Variants in MAGI2 observed in about 807,000 individuals in gnomAD.
The protein encoded by MAGI2 is membrane associated guanylate kinase, WW and PDZ domain containing 2.
A neutral mutation model predicts 133.3 loss-of-function variants in MAGI2; 35 were observed. The ratio of observed to expected loss-of-function variants is 0.26; its 90% CI spans 0.20 to 0.35. The LOEUF is 0.35. MAGI2 is among the 10% of genes least tolerant of loss of function. The pLI is 1.00. For missense variants in MAGI2, 1,636 were observed against 1,863.4 expected (o/e 0.88, Z 2.25); for synonymous variants, 729 against 710.6 (o/e 1.03, Z -0.41).
chr7:79,312,324 G>C (rs1042380582), intron 1 of MAGI2, among the ~76,000 whole-genome samples: 1 of 151,960 alleles, frequency 6.6e-6, no homozygotes, highest in Non-Finnish European at 1.5e-5. Context: ...CCAATTCTTC[G>C]TCTCAGTAGG....
intron 2 of MAGI2, among the ~76,000 whole-genome samples, chr7:78,987,936 C>T (rs1805419613): frequency 6.6e-6 from 1 of 151,978 alleles, no homozygotes; most frequent in Non-Finnish European, 1.5e-5. Context: ...CACATTTTGT[C>T]TCAGGATTTG....
intron 1 of MAGI2, among the ~76,000 whole-genome samples, chr7:79,111,624 C>T (rs144829437): frequency 1.5e-3 from 232 of 152,194 alleles, no homozygotes; most frequent in African/African-American, 5.3e-3. Context: ...GAGATAGTAA[C>T]TTTCCCAAGG....
intron 1 of MAGI2, among the ~76,000 whole-genome samples, chr7:79,312,658 A>G (rs1323234937): frequency 6.6e-6 from 1 of 152,100 alleles, no homozygotes; most frequent in Non-Finnish European, 1.5e-5. Context: ...AAGTACCTAA[A>G]TTTTTGTCTC....
At chr7:78,866,430 G>A (rs978767767) in intron 2 of MAGI2, among the ~76,000 whole-genome samples, 2 of 152,034 alleles carry the variant, frequency 1.3e-5, no homozygotes, top group Non-Finnish European at 2.9e-5. Flanking sequence ...ATTTATGGGT[G>A]GGGGAGGGAA....
intron 15 of MAGI2, among the ~76,000 whole-genome samples, chr7:78,167,045 T>C (rs757947864): frequency 2.6e-5 from 4 of 151,944 alleles, no homozygotes; most frequent in Non-Finnish European, 5.9e-5. Context: ...ATGAGGGCTA[T>C]CAAGGGGTCA....
In MAGI2 at chr7:79,310,293, T is replaced by A. The variant is rs905317301; in HGVS notation, c.301+142727A>T. Among the ~76,000 whole-genome samples the A allele has an allele frequency of 2.1e-5, 3 of 146,072 alleles. No homozygotes were observed. In the Admixed American group the frequency reaches 2.1e-4, roughly 10 times the overall value. On this transcript the variant is annotated intron_variant, in intron 1 of 21. Transcript: ENST00000354212. ...TGTACAGATGAAAGTATTCTAAAGA[T>A]ACAGCAATCCATGGAGGGATGAAAG...
At chr7:79,205,349 T>C (rs1828953016) in intron 1 of MAGI2, among the ~76,000 whole-genome samples, 1 of 151,886 alleles carries the variant, frequency 6.6e-6, no homozygotes, top group South Asian at 2.1e-4. Context: ...GAACATCAAA[T>C]TGCTGAAAAA....
chr7:78,493,608 T>C (rs1453220346), intron 5 of MAGI2, among the ~76,000 whole-genome samples: 1 of 148,780 alleles, frequency 6.7e-6, no homozygotes, highest in Non-Finnish European at 1.5e-5. Flanking sequence ...AACCCAGATA[T>C]ATCTGGTTTC....
At chr7:78,630,769 T>C (rs980615490) in intron 2 of MAGI2, among the ~76,000 whole-genome samples, 1 of 152,194 alleles carries the variant, frequency 6.6e-6, no homozygotes, top group Non-Finnish European at 1.5e-5. Flanking sequence ...CCATTTTCCA[T>C]TCATTAATCA....
chr7:79,234,977 G>A (rs1182005060), intron 1 of MAGI2, among the ~76,000 whole-genome samples: 149 of 151,940 alleles, frequency 9.8e-4, no homozygotes, highest in African/African-American at 2.9e-4. Flanking sequence ...TTTTTGGTGT[G>A]GATGTCCTTT....
At chr7:78,414,813 CTTG>C (rs1325845580) in intron 6 of MAGI2, among the ~76,000 whole-genome samples, 1 of 152,028 alleles carries the variant, frequency 6.6e-6, no homozygotes. Flanking sequence ...TAAAACTAAC[CTTG>C]TTTAAATATG....
intron 1 of MAGI2, among the ~76,000 whole-genome samples, chr7:79,175,056 A>T (rs967453047): frequency 1.3e-5 from 2 of 151,868 alleles, no homozygotes; most frequent in Admixed American, 1.3e-4. Flanking sequence ...TATTGATACC[A>T]TTACTTGTAA....
intron 2 of MAGI2, among the ~76,000 whole-genome samples, chr7:78,892,037 G>T (rs967664436): frequency 6.6e-6 from 1 of 152,094 alleles, no homozygotes; most frequent in Non-Finnish European, 1.5e-5. Context: ...AAATTCTCAG[G>T]ATACAAAATC....
intron 2 of MAGI2, among the ~76,000 whole-genome samples, chr7:78,672,087 T>C (rs539149741): frequency 3.5e-4 from 54 of 152,320 alleles, no homozygotes; most frequent in African/African-American, 1.2e-3. Context: ...GATCCTTAAA[T>C]GTTTGAAGGA....
chr7:78,146,001 AATATC>A (rs751515033), intron 16 of MAGI2, among the ~76,000 whole-genome samples: 68 of 152,266 alleles, frequency 4.5e-4, no homozygotes, highest in Admixed American at 7.9e-4. Flanking sequence ...GTTTGTAGTA[AATATC>A]ATATCATTTT....
At chr7:79,306,473 T>C (rs1837824496) in intron 1 of MAGI2, among the ~76,000 whole-genome samples, 1 of 151,218 alleles carries the variant, frequency 6.6e-6, no homozygotes, top group Admixed American at 6.6e-5. Flanking sequence ...CTTTTTTGAT[T>C]TGACATGAAA....
At chr7:78,172,660 G>GTGCA (rs1277783791) in intron 14 of MAGI2, among the ~76,000 whole-genome samples, 2 of 152,210 alleles carry the variant, frequency 1.3e-5, no homozygotes, top group Admixed American at 6.5e-5. Flanking sequence ...TGTGTTTAAT[G>GTGCA]TGCACCCTGG....
intron 2 of MAGI2, among the ~76,000 whole-genome samples, chr7:78,937,165 G>C (rs1197319963): frequency 6.6e-6 from 1 of 151,816 alleles, no homozygotes. Flanking sequence ...ATGTTCAAGG[G>C]GTACAGAAGC....
At chr7:78,036,230 T>C (rs1443033646) in intron 21 of MAGI2, among the ~76,000 whole-genome samples, 1 of 152,170 alleles carries the variant, frequency 6.6e-6, no homozygotes, top group Non-Finnish European at 1.5e-5. Context: ...TAGATATAGA[T>C]CTTAGCTTCA....
Sources: allele counts gnomAD v4.1 joint callset (sites outside exome capture counted in the v4.1 genomes callset), GRCh38; gene constraint gnomAD v4.1.1; transcripts MANE v1.5; gene names NCBI Gene and HGNC (gene_info 2026-07-23, HGNC 2026-07-21).